Variants in BUB1B observed in about 807,000 individuals in gnomAD.
BUB1B encodes the protein BUB1 mitotic checkpoint serine/threonine kinase B.
A neutral mutation model predicts 137.7 loss-of-function variants in BUB1B; 86 were observed. The observed-to-expected ratio is 0.62, with a 90% confidence interval of 0.52 to 0.75. The LOEUF (loss-of-function observed/expected upper bound fraction) is 0.75, where lower values mean the gene tolerates loss of function less well. Among genes scored for constraint, BUB1B ranks in the 30% least tolerant of loss-of-function variants. The pLI, the probability that BUB1B is intolerant of heterozygous loss-of-function variation, is 0.00. For synonymous variants in BUB1B, 420 were observed against 417.9 expected (o/e 1.00, Z -0.06); for missense variants, 1,130 against 1,236.9 (o/e 0.91, Z 1.30).
chr15:40,175,285 A>T (rs1342427295), intron 4 of BUB1B, among the ~76,000 whole-genome samples: 2 of 152,200 alleles, frequency 1.3e-5, no homozygotes, highest in South Asian at 2.1e-4. Context: ...GCTCTATTAG[A>T]TGAAACATGA....
intron 21 of BUB1B, 92 bp downstream of exon 21, chr15:40,217,759 C>A: frequency 7.0e-7 from 1 of 1,437,074 alleles, no homozygotes; most frequent in Non-Finnish European, 9.8e-7. Flanking sequence ...TTTACTGATA[C>A]CGACTCCTAG....
At chr15:40,166,055 G>T (rs924431282) in intron 2 of BUB1B, among the ~76,000 whole-genome samples, 2 of 152,142 alleles carry the variant, frequency 1.3e-5, no homozygotes, top group Non-Finnish European at 2.9e-5. Flanking sequence ...TCCTTGCCAT[G>T]TTGGCTGTGC....
chr15:40,213,251 C>T lies in BUB1B; in HGVS notation c.2536-81C>T, dbSNP rs113465749. 222 of 1,499,870 alleles carry T rather than the reference C, an allele frequency of 1.5e-4. No homozygotes were observed. In the African/African-American group the frequency reaches 2.8e-3, roughly 19 times the overall value. 92.9% of individuals were successfully genotyped at this position (1,499,870 alleles called of 1,614,324 possible). A position where few individuals can be genotyped will look rare whatever the true frequency, so the allele number is the denominator to read the frequency against. Reference sequence around the variant, plus strand: ...AGTAGAGAACAAGGAAGACTACAAACCATCAGTTTTCAAGGTATTGAGTAT... The same window carrying T: ...AGTAGAGAACAAGGAAGACTACAAATCATCAGTTTTCAAGGTATTGAGTAT... On this transcript the variant is annotated intron_variant, in intron 19 of 22. Coordinates refer to ENST00000287598, the MANE Select transcript of BUB1B (RefSeq NM_001211.6).
chr15:40,165,722 T>TA (rs1177091493), intron 2 of BUB1B, among the ~76,000 whole-genome samples: 11 of 151,472 alleles, frequency 7.3e-5, no homozygotes, highest in South Asian at 2.1e-4. Context: ...ATATGCTTTT[T>TA]AAAAAAAAAG....
At chr15:40,200,059 A>C (rs969725367) in intron 10 of BUB1B, 185 bp from the exon 11 acceptor site, 1 of 641,724 alleles carries the variant, frequency 1.6e-6, no homozygotes, top group East Asian at 2.8e-5. Flanking sequence ...GGCACTGCTC[A>C]GTTGAGTACA....
At chr15:40,216,830 CTA>C (rs1405684887) in intron 20 of BUB1B, among the ~76,000 whole-genome samples, 4 of 151,672 alleles carry the variant, frequency 2.6e-5, no homozygotes, top group Non-Finnish European at 5.9e-5. Flanking sequence ...TAAACAGTTC[CTA>C]TGTCCCCTTG....
rs2037460123 is a variant in BUB1B, at chr15:40,193,415, A to G, written c.1059-3130A>G. Among the ~76,000 whole-genome samples the G allele has an allele frequency of 2.1e-5, 3 of 143,274 alleles. No homozygotes were observed. In the South Asian group the frequency reaches 6.5e-4, roughly 31 times the overall value. 94.0% of individuals were successfully genotyped at this position (143,274 alleles called of 152,430 possible). On this transcript the variant is annotated intron_variant, in intron 8 of 22. Coordinates refer to ENST00000287598, the MANE Select transcript of BUB1B (RefSeq NM_001211.6). Reference sequence around the variant, plus strand: ...AATTCCTTAATGACATCTGGGAAGCATCTTTTCATATGCTTACTATCATCT... The same window carrying G: ...AATTCCTTAATGACATCTGGGAAGCGTCTTTTCATATGCTTACTATCATCT...
intron 16 of BUB1B, 88 bp downstream of exon 16, chr15:40,208,858 A>C: frequency 7.4e-7 from 1 of 1,354,318 alleles, no homozygotes; most frequent in Non-Finnish European, 1.0e-6. Context: ...TTTTTGAGAC[A>C]GGGTCTCACT....
Position 40,202,391 on chromosome 15 carries a change from C to T in BUB1B, c.1568-14C>T. On this transcript the variant is annotated splice_polypyrimidine_tract_variant and intron_variant, in intron 12 of 22. Coordinates refer to ENST00000287598, the MANE Select transcript of BUB1B (RefSeq NM_001211.6). ...TTTACTCCTAGAGTATGTATCTAGT[C>T]TCTCTTTCTCTAGGTCCCAGTGTAC... is the stretch of plus-strand genomic sequence containing the variant. 3 of 1,102,840 alleles carry T rather than the reference C, an allele frequency of 2.7e-6. No homozygotes were observed. The highest frequency in any genetic ancestry group is 4.1e-6 in the Non-Finnish European group (3 of 728,486). The allele number at this position is 1,102,840 out of a possible 1,614,324, so 68.3% of individuals were successfully genotyped here.
chr15:40,198,654 C>G (rs1472038944), intron 9 of BUB1B, among the ~76,000 whole-genome samples: 1 of 152,158 alleles, frequency 6.6e-6, no homozygotes, highest in Non-Finnish European at 1.5e-5. Flanking sequence ...ACTTTAGCTT[C>G]TTTCAGATTT....
intron 2 of BUB1B, 67 bp from the exon 3 acceptor site, chr15:40,169,995 G>C: frequency 8.1e-7 from 1 of 1,234,580 alleles, no homozygotes; most frequent in Non-Finnish European, 1.2e-6. Flanking sequence ...AATAAAAATG[G>C]AAGTGATACT....
chr15:40,202,263 A>G (rs2037580464), intron 12 of BUB1B, 142 bp from the exon 13 acceptor site: 1 of 705,618 alleles, frequency 1.4e-6, no homozygotes, highest in East Asian at 2.7e-5. Flanking sequence ...ATGACCTTTT[A>G]TATGTTTGAA....
intron 2 of BUB1B, among the ~76,000 whole-genome samples, chr15:40,167,639 C>T (rs1341993967): frequency 6.6e-6 from 1 of 152,136 alleles, no homozygotes; most frequent in African/African-American, 2.4e-5. Context: ...CTGCGTCCAG[C>T]CAAGCATTAT....
intron 9 of BUB1B, among the ~76,000 whole-genome samples, chr15:40,198,672 C>G (rs1266137747): frequency 6.6e-6 from 1 of 152,156 alleles, no homozygotes. Context: ...TTTCTGTCCT[C>G]TAATTCTTTT....
Position 40,211,745 on chromosome 15 carries a change from G to A in BUB1B, c.2386-754G>A, listed in dbSNP as rs577694291. Among the ~76,000 whole-genome samples the A allele has an allele frequency of 1.8e-3, 270 of 152,166 alleles. 1 individual carries two copies. Among genetic ancestry groups the A allele is most frequent in the Non-Finnish European group, 2.9e-3 (198 of 67,998 alleles). On this transcript the variant is annotated intron_variant, in intron 18 of 22. Transcript: ENST00000287598. Reference sequence around the variant, plus strand: ...ACTAGGTAATAAACTTCTGGACTTCGAGAATAGGGGAGAGGTAGTTGCTGG... The same window carrying A: ...ACTAGGTAATAAACTTCTGGACTTCAAGAATAGGGGAGAGGTAGTTGCTGG...
Position 40,196,542 on chromosome 15 carries a change from T to G in BUB1B, c.1059-3T>G. The G allele has an allele frequency of 1.9e-6, 3 of 1,612,916 alleles. No homozygotes were observed. The highest frequency in any genetic ancestry group is 2.5e-6 in the Non-Finnish European group (3 of 1,179,022). ...ATGAATAATAGTAATTTTGCTTCTT[T>G]AGGACACCATGTAAAATTGAACCTA... On this transcript the variant is annotated splice_polypyrimidine_tract_variant and splice_region_variant and intron_variant, in intron 8 of 22. Coordinates refer to ENST00000287598, the MANE Select transcript of BUB1B (RefSeq NM_001211.6).
rs1286769327 is a variant in BUB1B at position 40,208,674 on chromosome 15, T to C, written c.2047T>C (p.Ser683Pro). Residue 683 changes from serine (S) to proline (P), a missense_variant, in exon 16 of 23, where the codon TCT (serine) becomes CCT (proline). Transcript: ENST00000287598. The stretch of plus-strand genomic sequence containing the variant: ...AGACAGTCGTGAAGCCACACACTCC[T>C]CTGGCTTCTCTGGTTCTTCTGCCTC... The part of the protein sequence containing the change: ...IEDSREATHS[S>P]GFSGSSASVA... 1 of 1,613,906 alleles carries C rather than the reference T, an allele frequency of 6.2e-7. No homozygotes were observed. Among genetic ancestry groups the C allele is most frequent in the African/African-American group, 1.3e-5 (1 of 74,952 alleles).
intron 8 of BUB1B, among the ~76,000 whole-genome samples, chr15:40,186,428 TTC>T: frequency 7.9e-6 from 1 of 126,678 alleles, no homozygotes; most frequent in Non-Finnish European, 1.6e-5. Flanking sequence ...CATTGCCTAG[TTC>T]TTTTTTTTTT....
intron 6 of BUB1B, among the ~76,000 whole-genome samples, chr15:40,184,808 T>C (rs1021674162): frequency 2.6e-5 from 4 of 152,144 alleles, no homozygotes; most frequent in African/African-American, 7.2e-5. Context: ...CTGATTTCCA[T>C]TGAGAGAAAA....
Sources: allele counts gnomAD v4.1 joint callset (sites outside exome capture counted in the v4.1 genomes callset), GRCh38; gene constraint gnomAD v4.1.1; transcripts MANE v1.5; gene names NCBI Gene and HGNC (gene_info 2026-07-23, HGNC 2026-07-21).